Variants in PRCP observed in about 807,000 individuals in gnomAD.
PRCP encodes the protein prolylcarboxypeptidase, also known as lysosomal Pro-X carboxypeptidase.
Under a neutral mutation model 54.2 loss-of-function variants are expected in PRCP, and 46 were observed. The observed-to-expected ratio is 0.85, with a 90% CI of 0.67 to 1.09. The LOEUF (loss-of-function observed/expected upper bound fraction) is 1.09, where lower values mean the gene tolerates loss of function less well. PRCP is among the 50% of genes least tolerant of loss of function. PRCP has a pLI of 0.00. For missense variants in PRCP, 613 were observed against 596.8 expected, an observed-to-expected ratio of 1.03 and a Z score of -0.28; for synonymous variants, 240 against 212.2, an observed-to-expected ratio of 1.13 and a Z score of -1.14.
Position 82,839,264 on chromosome 11 carries a change from A to G in PRCP, c.1083T>C (p.Tyr361=). 6.2e-7 allele frequency: 1 copy of G among 1,611,620 alleles called. No homozygotes were observed. Among genetic ancestry groups the G allele is most frequent in the Non-Finnish European group, 8.5e-7 (1 of 1,179,412 alleles). ...TGGGGAAATTATACATATTTACCTGATAGCTCCAACCCAGTGTTCCCAGAC... is the reference window on the plus strand; with the variant it reads ...TGGGGAAATTATACATATTTACCTGGTAGCTCCAACCCAGTGTTCCCAGAC... ...TSSLGTLGWS[Y]QACTEVVMPF... The change falls in exon 7 of 9, where the codon TAT becomes TAC. Residue 361 remains tyrosine, a synonymous_variant. Coordinates refer to ENST00000313010, the MANE Select transcript of PRCP (RefSeq NM_005040.4).
chr11:82,873,174 T>C (rs973109407), intron 1 of PRCP, among the ~76,000 whole-genome samples: 4 of 152,134 alleles, frequency 2.6e-5, no homozygotes, highest in African/African-American at 9.7e-5. Flanking sequence ...AGCCAAGGTA[T>C]GTCTCTCTTA....
In PRCP at chr11:82,824,269, G is replaced by GA. The variant is rs1858163582; in HGVS notation, c.*636dup. The GA allele has an allele frequency of 6.6e-6, 1 of 152,478 alleles. No individual in the cohort carries two copies. Among genetic ancestry groups the GA allele is most frequent in the East Asian group, 1.9e-4 (1 of 5,186 alleles). The allele number at this position is 152,478 out of a possible 1,614,324, so 9.4% of individuals were successfully genotyped here. A position where few individuals can be genotyped will look rare whatever the true frequency, so the allele number is the denominator to read the frequency against. ...CTAAGAAAAGCTGCCAAGTGGAAGAGAAAAAATTAAAGGACTTTCCAAAAA... is the reference window on the plus strand; with the variant it reads ...CTAAGAAAAGCTGCCAAGTGGAAGAGAAAAAAATTAAAGGACTTTCCAAAAA... On this transcript the variant is annotated 3_prime_UTR_variant, in exon 9 of 9. Transcript: ENST00000313010.
chr11:82,892,565 A>G (rs1209014424), intron 1 of PRCP, among the ~76,000 whole-genome samples: 1 of 152,206 alleles, frequency 6.6e-6, no homozygotes, highest in Non-Finnish European at 1.5e-5. Flanking sequence ...TCTATATATC[A>G]ATTTTGTTTC....
At chr11:82,893,349 C>T (rs761253099) in intron 1 of PRCP, among the ~76,000 whole-genome samples, 9 of 152,174 alleles carry the variant, frequency 5.9e-5, no homozygotes, top group Non-Finnish European at 1.2e-4. Context: ...TTTACTATAG[C>T]AGCAAAACCT....
intron 7 of PRCP, 134 bp from the exon 8 acceptor site, chr11:82,838,708 G>A (rs1858590026): frequency 2.7e-6 from 2 of 747,902 alleles, no homozygotes; most frequent in Middle Eastern, 2.5e-4. Flanking sequence ...TCAACGCCCT[G>A]TTCTTTACTT....
chr11:82,891,885 T>C (rs11233364), intron 1 of PRCP, among the ~76,000 whole-genome samples: 19,771 of 152,284 alleles, frequency 0.13, 1,352 homozygotes, highest in Middle Eastern at 0.19. Context: ...GTCAGAATAC[T>C]TTAAGACCAT....
chr11:82,888,965 A>G (rs563398062), intron 1 of PRCP, among the ~76,000 whole-genome samples: 1 of 152,318 alleles, frequency 6.6e-6, no homozygotes, highest in East Asian at 1.9e-4. Flanking sequence ...GTAGAATAAG[A>G]GAGGAGTATA....
chr11:82,875,397 CA>C (rs1197792478), intron 1 of PRCP, among the ~76,000 whole-genome samples: 1 of 152,194 alleles, frequency 6.6e-6, no homozygotes, highest in African/African-American at 2.4e-5. Context: ...GGGCTACCAG[CA>C]AGACTGTTTT....
At chr11:82,876,774 A>G (rs1474004054) in intron 1 of PRCP, among the ~76,000 whole-genome samples, 4 of 152,170 alleles carry the variant, frequency 2.6e-5, no homozygotes, top group Admixed American at 2.0e-4. Context: ...AGTCCCGGGT[A>G]TGTCTTTGTC....
intron 8 of PRCP, chr11:82,826,684 T>C (rs570166784): frequency 2.6e-5 from 4 of 152,366 alleles, no homozygotes; most frequent in Admixed American, 2.6e-4. Context: ...TGGTTTTAAT[T>C]TGCATTTCCC....
In PRCP at chr11:82,824,193, A is replaced by G. The variant is rs1050072264; in HGVS notation, c.*713T>C. The G allele has an allele frequency of 6.6e-6, 1 of 152,248 alleles. No individual in the cohort carries two copies. Among genetic ancestry groups the G allele is most frequent in the Non-Finnish European group, 1.5e-5 (1 of 68,050 alleles). 9.4% of individuals were successfully genotyped at this position (152,248 alleles called of 1,614,324 possible). A position where few individuals can be genotyped will look rare whatever the true frequency, so the allele number is the denominator to read the frequency against. On this transcript the variant is annotated 3_prime_UTR_variant, in exon 9 of 9. Transcript: ENST00000313010. Reference sequence around the variant, plus strand: ...TTAGAAACAAAGAGAAATGGAGCAGAAAAAGGCCAGATTTCTTACTGGCAG... The same window carrying G: ...TTAGAAACAAAGAGAAATGGAGCAGGAAAAGGCCAGATTTCTTACTGGCAG...
At chr11:82,895,786 A>G (rs2121284430) in intron 1 of PRCP, among the ~76,000 whole-genome samples, 1 of 152,338 alleles carries the variant, frequency 6.6e-6, no homozygotes. Context: ...ATAGCTAGAC[A>G]TAACATTTTA....
chr11:82,866,211 G>T (rs1380802828), intron 1 of PRCP, among the ~76,000 whole-genome samples: 2 of 152,218 alleles, frequency 1.3e-5, no homozygotes, highest in Non-Finnish European at 2.9e-5. Context: ...AAGAGGAAAC[G>T]GTATCCCCCA....
intron 8 of PRCP, chr11:82,836,307 C>T (rs1177834017): frequency 1.3e-5 from 2 of 152,758 alleles, no homozygotes; most frequent in Non-Finnish European, 2.9e-5. Context: ...CAGAAAGAGA[C>T]TGCACATATA....
intron 6 of PRCP, among the ~76,000 whole-genome samples, chr11:82,842,453 G>A (rs1045896314): frequency 2.0e-5 from 3 of 152,146 alleles, no homozygotes; most frequent in Admixed American, 6.5e-5. Context: ...CACAACTTAC[G>A]AAGGGCACCG....
intron 8 of PRCP, chr11:82,826,900 A>G (rs1474205983): frequency 1.3e-5 from 2 of 152,140 alleles, no homozygotes; most frequent in African/African-American, 2.4e-5. Context: ...TTTGGTTCCA[A>G]TTTCAGGTCT....
rs1251463998 is a variant in PRCP at position 82,876,752 on chromosome 11, CT to C, written c.169-16636del. On this transcript the variant is annotated intron_variant, in intron 1 of 8. Transcript: ENST00000313010. ...TGGAACTGTAAGTCAAATTAAACCT[CT>C]TTTTCTTCCCAGTCCCGGGTATGTC... Among the ~76,000 whole-genome samples, 4 of 152,302 alleles carry C rather than the reference CT, an allele frequency of 2.6e-5. No individual in the cohort carries two copies. In the South Asian group the frequency reaches 8.3e-4, roughly 32 times the overall value.
chr11:82,837,564 C>A (rs571750995), intron 8 of PRCP, among the ~76,000 whole-genome samples: 4 of 152,192 alleles, frequency 2.6e-5, no homozygotes, highest in Non-Finnish European at 5.9e-5. Flanking sequence ...AAAAGAATGA[C>A]ATTTACAATT....
At chr11:82,896,203 C>T (rs1363221636) in intron 1 of PRCP, among the ~76,000 whole-genome samples, 1 of 152,210 alleles carries the variant, frequency 6.6e-6, no homozygotes, top group East Asian at 1.9e-4. Flanking sequence ...ACTCTGACAA[C>T]AACCTTGGTG....
Sources: gnomAD v4.1 joint callset for allele counts (sites outside exome capture counted in the v4.1 genomes callset) on GRCh38, gnomAD v4.1.1 for gene constraint, MANE v1.5 for transcripts, NCBI Gene and HGNC (gene_info 2026-07-23, HGNC 2026-07-21) for gene names.